The following STXBP5L variants were observed in gnomAD, a reference collection of about 807,000 sequenced individuals.
The protein encoded by STXBP5L is syntaxin-binding protein 5-like.
Under a neutral mutation model 144.5 loss-of-function variants are expected in STXBP5L, and 65 were observed. The observed-to-expected ratio is 0.45, with a 90% confidence interval of 0.37 to 0.55. The LOEUF is 0.55. STXBP5L is among the 20% of genes least tolerant of loss of function. The probability of loss-of-function intolerance (pLI) is 0.00; values close to 1 mark genes in which losing one functional copy is unlikely to be tolerated. For missense variants in STXBP5L, 1,298 were observed against 1,405.5 expected (o/e 0.92, Z 1.22); for synonymous variants, 505 against 469.6 (o/e 1.08, Z -0.97).
chr3:121,414,603 T>C (rs1019110407), intron 24 of STXBP5L, among the ~76,000 whole-genome samples: 8 of 152,196 alleles, frequency 5.3e-5, no homozygotes, highest in Non-Finnish European at 1.0e-4. Flanking sequence ...ACTGAATGGT[T>C]GGGCATGAAA....
intron 3 of STXBP5L, among the ~76,000 whole-genome samples, chr3:121,029,337 A>G (rs1158802852): frequency 6.6e-6 from 1 of 152,184 alleles, no homozygotes; most frequent in African/African-American, 2.4e-5. Context: ...ACAGATATAT[A>G]GACCAATGGA....
Position 121,282,320 on chromosome 3 carries a change from T to C in STXBP5L, c.2110+2364T>C, listed in dbSNP as rs2051088299. ...TTTTATCCTGATTTAACGAAACGGA[T>C]CCGTACTTCCTATCAGAGTAAGTTA... On this transcript the variant is annotated intron_variant, in intron 19 of 26. Coordinates refer to ENST00000471454, the MANE Select transcript of STXBP5L (RefSeq NM_001308330.2). 2.5e-6 allele frequency: 4 copies of C among 1,611,824 alleles called. No homozygotes were observed. The East Asian group carries it at 8.9e-5, about 36-fold the overall frequency.
rs895958953 is a variant in STXBP5L at position 121,421,106 on chromosome 3, G to C, written c.*2009G>C. The C allele has an allele frequency of 6.6e-6, 1 of 151,988 alleles. No individual in the cohort carries two copies. Among genetic ancestry groups the C allele is most frequent in the African/African-American group, 2.4e-5 (1 of 41,398 alleles). The allele number at this position is 151,988 out of a possible 1,614,324, so 9.4% of individuals were successfully genotyped here. A position where few individuals can be genotyped will look rare whatever the true frequency, so the allele number is the denominator to read the frequency against. ...TAAAGAAACTTAAGAGTAGGATCTA[G>C]AAAATACTAGTGGCCAAATTGCAAT... On this transcript the variant is annotated 3_prime_UTR_variant, in exon 27 of 27. Coordinates refer to ENST00000471454, the MANE Select transcript of STXBP5L (RefSeq NM_001308330.2).
chr3:121,395,648 A>C (rs2046709928), intron 22 of STXBP5L, among the ~76,000 whole-genome samples: 2 of 152,214 alleles, frequency 1.3e-5, no homozygotes, highest in Admixed American at 6.5e-5. Flanking sequence ...TTGCCAGCCA[A>C]GTTTGATAAA....
intron 20 of STXBP5L, among the ~76,000 whole-genome samples, chr3:121,344,404 C>G (rs1199880017): frequency 6.6e-6 from 1 of 152,062 alleles, no homozygotes; most frequent in Non-Finnish European, 1.5e-5. Context: ...CAAATGGGAT[C>G]TAATTAAATT....
At chr3:121,221,316 A>G (rs965898146) in intron 10 of STXBP5L, among the ~76,000 whole-genome samples, 13 of 151,916 alleles carry the variant, frequency 8.6e-5, no homozygotes, top group Non-Finnish European at 1.6e-4. Flanking sequence ...TAGAGAGGAC[A>G]TATTTCCAAT....
intron 5 of STXBP5L, among the ~76,000 whole-genome samples, chr3:121,105,508 G>A (rs1462233939): frequency 6.6e-6 from 1 of 152,062 alleles, no homozygotes; most frequent in Non-Finnish European, 1.5e-5. Flanking sequence ...ACAATGTGAT[G>A]CCACCTTACT....
chr3:121,266,490 C>A (rs577441275), intron 18 of STXBP5L, among the ~76,000 whole-genome samples: 3 of 152,240 alleles, frequency 2.0e-5, no homozygotes, highest in South Asian at 4.1e-4. Flanking sequence ...ATAATAAGAG[C>A]TATTTATGAG....
chr3:121,042,893 G>A (rs1947257226), intron 4 of STXBP5L, among the ~76,000 whole-genome samples: 1 of 151,568 alleles, frequency 6.6e-6, no homozygotes, highest in Admixed American at 6.6e-5. Flanking sequence ...TGTAATAACT[G>A]CTCATTATTA....
chr3:121,116,648 G>A (rs527890856), intron 6 of STXBP5L, among the ~76,000 whole-genome samples: 9 of 152,072 alleles, frequency 5.9e-5, no homozygotes, highest in Non-Finnish European at 1.2e-4. Flanking sequence ...AAGATAATTG[G>A]TGTGAGCTAT....
chr3:120,958,626 G>A (rs1281998813), intron 3 of STXBP5L, among the ~76,000 whole-genome samples: 1 of 151,916 alleles, frequency 6.6e-6, no homozygotes, highest in South Asian at 2.1e-4. Flanking sequence ...ATGTAATCCA[G>A]CATATAAACA....
intron 3 of STXBP5L, among the ~76,000 whole-genome samples, chr3:120,974,431 T>C (rs1940684013): frequency 6.7e-6 from 1 of 149,774 alleles, no homozygotes; most frequent in African/African-American, 2.5e-5. Context: ...CATTGTAGAT[T>C]CTGGATATTA....
intron 7 of STXBP5L, among the ~76,000 whole-genome samples, chr3:121,138,254 T>C (rs533919567): frequency 4.3e-4 from 65 of 152,138 alleles, no homozygotes; most frequent in African/African-American, 1.5e-3. Context: ...GATAAGAGAA[T>C]TGAAGAAGAC....
intron 20 of STXBP5L, among the ~76,000 whole-genome samples, chr3:121,345,168 C>G (rs898341148): frequency 6.6e-6 from 1 of 152,018 alleles, no homozygotes; most frequent in African/African-American, 2.4e-5. Context: ...CAGCCCCCCA[C>G]TCCCTGACAG....
intron 9 of STXBP5L, among the ~76,000 whole-genome samples, chr3:121,168,276 TCTC>T (rs1477746444): frequency 6.6e-6 from 1 of 151,976 alleles, no homozygotes; most frequent in Non-Finnish European, 1.5e-5. Context: ...TGGCTCTTCT[TCTC>T]CTTCTCCACA....
chr3:121,286,738 T>G (rs1465045293), intron 19 of STXBP5L, among the ~76,000 whole-genome samples: 3 of 152,010 alleles, frequency 2.0e-5, no homozygotes, highest in Non-Finnish European at 4.4e-5. Context: ...AGTACCAGAT[T>G]TAACCTCCTG....
At chr3:121,250,449 G>C (rs1243000740) in intron 14 of STXBP5L, among the ~76,000 whole-genome samples, 6 of 151,710 alleles carry the variant, frequency 4.0e-5, no homozygotes, top group Non-Finnish European at 5.9e-5. Context: ...CTTTCCACAG[G>C]CCATTTTTCA....
intron 20 of STXBP5L, among the ~76,000 whole-genome samples, chr3:121,360,978 G>T (rs1245477074): frequency 6.6e-6 from 1 of 152,014 alleles, no homozygotes; most frequent in African/African-American, 2.4e-5. Context: ...GGATGGATCT[G>T]GTATTGATGA....
At chr3:121,150,681 T>C (rs2045900385) in intron 7 of STXBP5L, among the ~76,000 whole-genome samples, 1 of 152,168 alleles carries the variant, frequency 6.6e-6, no homozygotes, top group South Asian at 2.1e-4. Flanking sequence ...GGGCTCAAAT[T>C]TAGAAAGATT....
Sources: gnomAD v4.1 joint callset for allele counts (sites outside exome capture counted in the v4.1 genomes callset) on GRCh38, gnomAD v4.1.1 for gene constraint, MANE v1.5 for transcripts, NCBI Gene and HGNC (gene_info 2026-07-23, HGNC 2026-07-21) for gene names.